PPP1R3A: variants seen among roughly 807,000 people sequenced by gnomAD.
The protein encoded by PPP1R3A is RG1.
A neutral mutation model predicts 41.7 loss-of-function variants in PPP1R3A; 29 were observed. The observed-to-expected ratio is 0.70, with a 90% CI of 0.52 to 0.95. The LOEUF is 0.95. PPP1R3A is among the 40% of genes least tolerant of loss of function. PPP1R3A has a pLI of 0.00. For synonymous variants in PPP1R3A, 485 were observed against 453.4 expected (o/e 1.07, Z -0.89); for missense variants, 1,352 against 1,292.4 (o/e 1.05, Z -0.71).
chr7:113,914,491 T>A (rs1209266807), intron 1 of PPP1R3A, among the ~76,000 whole-genome samples: 1 of 152,084 alleles, frequency 6.6e-6, no homozygotes, highest in Non-Finnish European at 1.5e-5. Context: ...TCAAGAAAAT[T>A]TACAGTTCAG....
chr7:113,878,485 T>C lies in PPP1R3A; in HGVS notation c.2607A>G (p.Leu869=), dbSNP rs989722533. The C allele has an allele frequency of 6.2e-6, 10 of 1,613,168 alleles. No homozygotes were observed. In the Admixed American group the frequency reaches 6.7e-5, roughly 11 times the overall value. ...TSKLDLQLGM[L]PTDKTVFSEN... is the part of the protein sequence containing the mutation. ...CTGAAAATACAGTTTTGTCTGTTGG[T>C]AACATTCCCAACTGTAAATCCAGTT... The change falls in exon 4 of 4, where the codon TTA becomes TTG. Residue 869 remains leucine (L), a synonymous_variant. Coordinates refer to ENST00000284601, the MANE Select transcript of PPP1R3A (RefSeq NM_002711.4).
chr7:113,902,696 G>A (rs1030313561), intron 1 of PPP1R3A, among the ~76,000 whole-genome samples: 1 of 151,732 alleles, frequency 6.6e-6, no homozygotes, highest in Non-Finnish European at 1.5e-5. Context: ...TTACCTTCTC[G>A]ATGAAGTGCA....
At chr7:113,885,345 C>T (rs919221586) in intron 1 of PPP1R3A, among the ~76,000 whole-genome samples, 1 of 152,120 alleles carries the variant, frequency 6.6e-6, no homozygotes, top group African/African-American at 2.4e-5. Context: ...CCGCACCTGG[C>T]CCCCAGGCTT....
At chr7:113,910,169 T>G (rs898469342) in intron 1 of PPP1R3A, among the ~76,000 whole-genome samples, 5 of 152,034 alleles carry the variant, frequency 3.3e-5, no homozygotes, top group African/African-American at 1.2e-4. Flanking sequence ...ATGATTCAAT[T>G]ATCTCCACCT....
At chr7:113,901,800 C>CA (rs1481586327) in intron 1 of PPP1R3A, among the ~76,000 whole-genome samples, 2 of 151,558 alleles carry the variant, frequency 1.3e-5, no homozygotes, top group African/African-American at 4.8e-5. Context: ...TCTGTGACCT[C>CA]AAAAAAGTAT....
intron 1 of PPP1R3A, among the ~76,000 whole-genome samples, chr7:113,887,445 C>G (rs1414766803): frequency 6.6e-6 from 1 of 151,724 alleles, no homozygotes; most frequent in Non-Finnish European, 1.5e-5. Flanking sequence ...GCCCTAGTTT[C>G]TTATTTCAAT....
At chr7:113,896,068 G>T (rs7812007) in intron 1 of PPP1R3A, among the ~76,000 whole-genome samples, 151,489 of 151,944 alleles carry the variant, frequency 1, 75,519 homozygotes, top group Non-Finnish European at 1. Context: ...CCATAATGAC[G>T]CCTCCAGGGA....
chr7:113,914,751 CT>C (rs1797311903), intron 1 of PPP1R3A, among the ~76,000 whole-genome samples: 1 of 152,098 alleles, frequency 6.6e-6, no homozygotes, highest in Non-Finnish European at 1.5e-5. Flanking sequence ...ATCTCAACCC[CT>C]ATGAGATAGA....
At chr7:113,907,276 A>T (rs1452329727) in intron 1 of PPP1R3A, among the ~76,000 whole-genome samples, 1 of 151,808 alleles carries the variant, frequency 6.6e-6, no homozygotes, top group African/African-American at 2.4e-5. Flanking sequence ...ACTCGGAGGA[A>T]CTTTCTAAAT....
intron 3 of PPP1R3A, among the ~76,000 whole-genome samples, chr7:113,881,080 T>C (rs1396449795): frequency 6.6e-6 from 1 of 151,950 alleles, no homozygotes; most frequent in Non-Finnish European, 1.5e-5. Flanking sequence ...TATTCTGTGG[T>C]TTGAAAAAAA....
intron 1 of PPP1R3A, among the ~76,000 whole-genome samples, chr7:113,902,656 G>A (rs941454667): frequency 1.3e-5 from 2 of 151,722 alleles, no homozygotes; most frequent in African/African-American, 4.8e-5. Flanking sequence ...CAGAGTCATC[G>A]CTGACTCTTT....
intron 1 of PPP1R3A, among the ~76,000 whole-genome samples, chr7:113,901,887 G>C (rs1797068445): frequency 6.6e-6 from 1 of 151,664 alleles, no homozygotes; most frequent in Non-Finnish European, 1.5e-5. Flanking sequence ...TCACAGGGTT[G>C]TCGAAAAAAG....
chr7:113,882,552 T>C (rs1796712049), intron 1 of PPP1R3A, among the ~76,000 whole-genome samples: 1 of 152,022 alleles, frequency 6.6e-6, no homozygotes, highest in Non-Finnish European at 1.5e-5. Flanking sequence ...GCCATATTTC[T>C]AAACAGAAAC....
At chr7:113,898,796 G>A (rs557520564) in intron 1 of PPP1R3A, among the ~76,000 whole-genome samples, 6 of 151,762 alleles carry the variant, frequency 4.0e-5, no homozygotes, top group South Asian at 2.1e-4. Flanking sequence ...TTTATTGTTC[G>A]TTCCAGCCAA....
intron 1 of PPP1R3A, among the ~76,000 whole-genome samples, chr7:113,913,086 A>G (rs1421095710): frequency 6.6e-6 from 1 of 152,038 alleles, no homozygotes; most frequent in Non-Finnish European, 1.5e-5. Context: ...TGGGCCCTGC[A>G]CAGCTGTGTT....
intron 1 of PPP1R3A, among the ~76,000 whole-genome samples, chr7:113,891,225 T>C (rs1796882319): frequency 6.6e-6 from 1 of 151,890 alleles, no homozygotes; most frequent in Admixed American, 6.6e-5. Context: ...CTCATTTTTC[T>C]CTAAAATCTT....
At chr7:113,897,301 G>T (rs1796993361) in intron 1 of PPP1R3A, among the ~76,000 whole-genome samples, 1 of 151,448 alleles carries the variant, frequency 6.6e-6, no homozygotes, top group Non-Finnish European at 1.5e-5. Context: ...TAGCTTTAAG[G>T]TCCTCACTAT....
Position 113,882,320 on chromosome 7 carries a change from A to C in PPP1R3A, c.783T>G (p.Ser261Arg). The C allele has an allele frequency of 1.4e-6, 2 of 1,440,354 alleles. No individual in the cohort carries two copies. The highest frequency in any genetic ancestry group is 1.9e-6 in the Non-Finnish European group (2 of 1,026,438). 89.2% of individuals were successfully genotyped at this position (1,440,354 alleles called of 1,614,324 possible). The change falls in exon 2 of 4, where the codon AGT becomes AGG. Residue 261 changes from serine to arginine, a missense_variant and splice_region_variant. Physicochemically the swap from Ser to Arg is moderately radical, Grantham distance 110. Transcript: ENST00000284601. ...QIKGCLKVKSSKEESSVTSEE... is the reference protein window; with the variant it reads ...QIKGCLKVKSRKEESSVTSEE... ...CTGATGTTACTGATGATTCTTCTTT[A>C]CTGTTAAATTTAAAAGAAAATGTTA...
chr7:113,899,734 CT>C (rs1405805618), intron 1 of PPP1R3A, among the ~76,000 whole-genome samples: 18 of 151,924 alleles, frequency 1.2e-4, no homozygotes, highest in African/African-American at 4.3e-4. Flanking sequence ...GACCAATTAA[CT>C]TACAGTCTTT....
Sources: gnomAD v4.1 joint callset for allele counts (sites outside exome capture counted in the v4.1 genomes callset) on GRCh38, gnomAD v4.1.1 for gene constraint, MANE v1.5 for transcripts, NCBI Gene and HGNC (gene_info 2026-07-23, HGNC 2026-07-21) for gene names.